Variants in CSDE1 observed in about 807,000 individuals in gnomAD.
CSDE1 encodes cold shock domain containing E1, also known as cold shock domain-containing protein E1.
In CSDE1, 17 loss-of-function variants were observed where a neutral mutation model predicts 89.3. That is an observed-to-expected ratio of 0.19 (90% CI 0.13 to 0.29). The LOEUF is 0.29. Among genes scored for constraint, CSDE1 ranks in the 10% least tolerant of loss-of-function variants. The probability of loss-of-function intolerance (pLI) is 1.00; values close to 1 mark genes in which losing one functional copy is unlikely to be tolerated. For synonymous variants in CSDE1, 322 were observed against 332.8 expected, an observed-to-expected ratio of 0.97 and a Z score of 0.35; for missense variants, 672 against 984.2, an observed-to-expected ratio of 0.68 and a Z score of 4.24.
chr1:114,733,638 T>C (rs1257056896), intron 9 of CSDE1, 94 bp downstream of exon 9: 3 of 1,153,350 alleles, frequency 2.6e-6, no homozygotes, highest in African/African-American at 1.6e-5. Context: ...TACCACATTA[T>C]ATTAACTGAA....
At chr1:114,721,787 T>C (rs1659538243) in intron 16 of CSDE1, among the ~76,000 whole-genome samples, 1 of 152,084 alleles carries the variant, frequency 6.6e-6, no homozygotes, top group Non-Finnish European at 1.5e-5. Flanking sequence ...GGTTTTGCCA[T>C]GTTGCCCAGG....
chr1:114,730,870 G>A (rs549462945), intron 10 of CSDE1, among the ~76,000 whole-genome samples: 1 of 152,214 alleles, frequency 6.6e-6, no homozygotes, highest in Admixed American at 6.5e-5. Context: ...CTACTTCCTG[G>A]CAAATATGCA....
intron 2 of CSDE1, 48 bp from the exon 3 acceptor site, chr1:114,739,938 A>G: frequency 2.7e-6 from 4 of 1,476,390 alleles, no homozygotes; most frequent in Non-Finnish European, 3.8e-6. Flanking sequence ...CATTATCTCC[A>G]TAGCATATTA....
Position 114,717,925 on chromosome 1 carries a change from T to C in CSDE1, c.*244A>G, listed in dbSNP as rs1659277694. ...AATGCACCAAATAAAGCTCCTAAAA[T>C]TGATACTATAAGGCGCCACCTTAAG... On this transcript the variant is annotated 3_prime_UTR_variant, in exon 20 of 20. Coordinates refer to ENST00000358528, the MANE Select transcript of CSDE1 (RefSeq NM_001007553.3). 6.3e-6 allele frequency: 3 copies of C among 474,014 alleles called. No homozygotes were observed. The Admixed American group carries it at 1.1e-4, about 18-fold the overall frequency. 29.4% of individuals were successfully genotyped at this position (474,014 alleles called of 1,614,324 possible). A position where few individuals can be genotyped will look rare whatever the true frequency, so the allele number is the denominator to read the frequency against.
At chr1:114,729,221 C>T (rs1360140982) in intron 12 of CSDE1, among the ~76,000 whole-genome samples, 2 of 152,026 alleles carry the variant, frequency 1.3e-5, no homozygotes, top group Non-Finnish European at 2.9e-5. Context: ...GCCTCAGCCT[C>T]CCGAGTAGCT....
intron 15 of CSDE1, among the ~76,000 whole-genome samples, chr1:114,724,996 T>G (rs911665074): frequency 2.0e-5 from 3 of 152,180 alleles, no homozygotes; most frequent in Non-Finnish European, 4.4e-5. Flanking sequence ...CAGAATCACC[T>G]AAAGGATTTA....
intron 1 of CSDE1, among the ~76,000 whole-genome samples, chr1:114,754,353 A>G (rs1230059464): frequency 1.3e-5 from 2 of 152,254 alleles, no homozygotes; most frequent in Non-Finnish European, 2.9e-5. Flanking sequence ...AGCATAAGCC[A>G]TGACATAGTC....
Position 114,737,567 on chromosome 1 carries a change from C to T in CSDE1, c.310-4G>A. On this transcript the variant is annotated splice_region_variant and splice_polypyrimidine_tract_variant and intron_variant, in intron 4 of 19. Transcript: ENST00000358528. ...TGTGAGGAACAGCGCACACAACCTACCAGTCAAAAAAAAAAAAATTTCCAT... is the reference window on the plus strand; with the variant it reads ...TGTGAGGAACAGCGCACACAACCTATCAGTCAAAAAAAAAAAAATTTCCAT... 1 of 1,607,628 alleles carries T rather than the reference C, an allele frequency of 6.2e-7. No individual in the cohort carries two copies. The highest frequency in any genetic ancestry group is 8.5e-7 in the Non-Finnish European group (1 of 1,177,260).
At chr1:114,752,331 G>A (rs1047337083) in intron 1 of CSDE1, among the ~76,000 whole-genome samples, 4 of 152,090 alleles carry the variant, frequency 2.6e-5, no homozygotes, top group African/African-American at 9.7e-5. Flanking sequence ...TAGATGGGAA[G>A]TTTTTAATCC....
intron 2 of CSDE1, chr1:114,746,511 GTAGTTTA>G (rs1661018699): frequency 6.6e-6 from 1 of 151,974 alleles, no homozygotes; most frequent in South Asian, 2.1e-4. Context: ...CAGACTCTTT[GTAGTTTA>G]TCTTTTAATC....
At chr1:114,728,533 G>GA (rs1014167518) in intron 12 of CSDE1, among the ~76,000 whole-genome samples, 96 of 148,938 alleles carry the variant, frequency 6.4e-4, no homozygotes, top group Admixed American at 1.3e-3. Context: ...GACTAAGAAA[G>GA]AAAAAAAAAC....
In CSDE1 at chr1:114,737,608, G is replaced by A. The variant is rs763108280; in HGVS notation, c.310-45C>T. On this transcript the variant is annotated intron_variant, in intron 4 of 19. Transcript: ENST00000358528. ...AAATTTCCATTGCTAATCATTTCAG[G>A]AGCAGCACTGTGCAATATAAACTGA... is the stretch of plus-strand genomic sequence containing the variant. 25 of 1,419,716 alleles carry A rather than the reference G, an allele frequency of 1.8e-5. No individual in the cohort carries two copies. The South Asian group carries it at 1.8e-4, about 11-fold the overall frequency. 87.9% of individuals were successfully genotyped at this position (1,419,716 alleles called of 1,614,324 possible). A position where few individuals can be genotyped will look rare whatever the true frequency, so the allele number is the denominator to read the frequency against.
At chr1:114,752,991 CGCCACAATTCAAGTGTAAACAGTTAT>C (rs1238724833) in intron 1 of CSDE1, among the ~76,000 whole-genome samples, 10 of 152,252 alleles carry the variant, frequency 6.6e-5, no homozygotes, top group African/African-American at 2.2e-4. Flanking sequence ...AGCAAAAGGA[CGCCACAATTCAAGTGTAAACAGTTAT>C]GCCACAATTC....
intron 14 of CSDE1, among the ~76,000 whole-genome samples, 163 bp from the exon 15 acceptor site, chr1:114,725,496 C>G (rs1423107361): frequency 6.6e-6 from 1 of 152,062 alleles, no homozygotes; most frequent in African/African-American, 2.4e-5. Context: ...CTCAAGAATG[C>G]CCCATGAAGA....
In CSDE1 at chr1:114,720,225, A is replaced by G. The variant is rs1659438497; in HGVS notation, c.2052+314T>C. 3 of 256,562 alleles carry G rather than the reference A, an allele frequency of 1.2e-5. No homozygotes were observed. The South Asian group carries it at 2.9e-4, about 25-fold the overall frequency. The allele number at this position is 256,562 out of a possible 1,614,324, so 15.9% of individuals were successfully genotyped here. ...AACGTGGTTTCTGTGTTTGTGTGAT[A>G]TGCAAAAGAAGCTCTAAGCAAAAGT... is the stretch of plus-strand genomic sequence containing the variant. On this transcript the variant is annotated intron_variant, in intron 17 of 19. Coordinates refer to ENST00000358528, the MANE Select transcript of CSDE1 (RefSeq NM_001007553.3).
At chr1:114,755,043 G>A (rs773024134) in intron 1 of CSDE1, among the ~76,000 whole-genome samples, 30 of 152,284 alleles carry the variant, frequency 2.0e-4, no homozygotes, top group African/African-American at 5.5e-4. Context: ...TTAATTAAAC[G>A]TCTTATTTAA....
intron 1 of CSDE1, among the ~76,000 whole-genome samples, chr1:114,754,011 AATCAAC>A (rs1661454231): frequency 1.3e-5 from 2 of 152,234 alleles, no homozygotes; most frequent in Admixed American, 1.3e-4. Context: ...TGTGCTAAGT[AATCAAC>A]TCCTTTTCCC....
At chr1:114,730,974 C>T (rs1660066469) in intron 10 of CSDE1, among the ~76,000 whole-genome samples, 1 of 152,198 alleles carries the variant, frequency 6.6e-6, no homozygotes, top group South Asian at 2.1e-4. Flanking sequence ...CCAGAAACTT[C>T]ACTAATTTAC....
At chr1:114,730,677 T>C in intron 10 of CSDE1, 29 bp from the exon 11 acceptor site, 1 of 1,608,404 alleles carries the variant, frequency 6.2e-7, no homozygotes, top group Non-Finnish European at 8.5e-7. Flanking sequence ...TTTCACTGGC[T>C]GTGAAACTTG....
Sources: allele counts gnomAD v4.1 joint callset (sites outside exome capture counted in the v4.1 genomes callset), GRCh38; gene constraint gnomAD v4.1.1; transcripts MANE v1.5; gene names NCBI Gene and HGNC (gene_info 2026-07-23, HGNC 2026-07-21).